The following CDH12 variants were observed in gnomAD, a reference collection of about 807,000 sequenced individuals.
The protein encoded by CDH12 is cadherin 12, also known as cadherin-12.
CDH12 carries 41 observed loss-of-function variants against 74.1 expected under a neutral mutation model. That is an observed-to-expected ratio of 0.55 (90% CI 0.43 to 0.72). The LOEUF is 0.72. CDH12 is among the 30% of genes least tolerant of loss of function. The pLI is 0.00. For missense variants in CDH12, 945 were observed against 977.2 expected (o/e 0.97, Z 0.44); for synonymous variants, 399 against 355.0 (o/e 1.12, Z -1.39).
intron 1 of CDH12, among the ~76,000 whole-genome samples, chr5:22,601,365 T>C (rs1415714392): frequency 1.3e-5 from 2 of 150,446 alleles, no homozygotes; most frequent in African/African-American, 2.4e-5. Context: ...TTAGAATGCA[T>C]GGACACATAG....
intron 1 of CDH12, among the ~76,000 whole-genome samples, chr5:22,587,375 C>A (rs1411369281): frequency 6.6e-6 from 1 of 152,124 alleles, no homozygotes; most frequent in East Asian, 1.9e-4. Flanking sequence ...ATTACCTAGT[C>A]TCTGGAGTTC....
chr5:22,641,038 T>C (rs1739121064), intron 1 of CDH12, among the ~76,000 whole-genome samples: 1 of 152,164 alleles, frequency 6.6e-6, no homozygotes, highest in Non-Finnish European at 1.5e-5. Context: ...TAGGGTTCTC[T>C]AGAGAGATTG....
At chr5:22,165,594 A>T (rs957708504) in intron 4 of CDH12, among the ~76,000 whole-genome samples, 1 of 152,162 alleles carries the variant, frequency 6.6e-6, no homozygotes, top group African/African-American at 2.4e-5. Flanking sequence ...TCCTTATGTC[A>T]GAGGCCTTTG....
chr5:22,685,247 T>C (rs1271518751), intron 1 of CDH12, among the ~76,000 whole-genome samples: 1 of 148,994 alleles, frequency 6.7e-6, no homozygotes, highest in Non-Finnish European at 1.5e-5. Context: ...TCATACTTTA[T>C]TTTTTTTTGA....
At chr5:22,145,701 A>C (rs1747116880) in intron 4 of CDH12, among the ~76,000 whole-genome samples, 1 of 152,144 alleles carries the variant, frequency 6.6e-6, no homozygotes, top group Non-Finnish European at 1.5e-5. Context: ...TTCATCTCCA[A>C]AATGGTATAA....
intron 3 of CDH12, among the ~76,000 whole-genome samples, chr5:22,325,305 A>C (rs1739039341): frequency 6.6e-6 from 1 of 152,190 alleles, no homozygotes; most frequent in African/African-American, 2.4e-5. Context: ...TAAACCTCAG[A>C]GCAAAAAGCC....
At chr5:22,460,624 A>T (rs1480942909) in intron 2 of CDH12, among the ~76,000 whole-genome samples, 1 of 151,376 alleles carries the variant, frequency 6.6e-6, no homozygotes, top group Non-Finnish European at 1.5e-5. Flanking sequence ...TAATATCAAG[A>T]GTCTGGGAAA....
chr5:22,403,907 T>C (rs937983355), intron 3 of CDH12, among the ~76,000 whole-genome samples: 1 of 152,122 alleles, frequency 6.6e-6, no homozygotes, highest in African/African-American at 2.4e-5. Context: ...CACAATTAAA[T>C]TATACAATTA....
At chr5:22,498,764 GAC>G (rs1413395628) in intron 2 of CDH12, among the ~76,000 whole-genome samples, 8 of 151,442 alleles carry the variant, frequency 5.3e-5, no homozygotes, top group Non-Finnish European at 1.0e-4. Flanking sequence ...ATGATGGTGA[GAC>G]ACATGCATGC....
chr5:22,224,344 C>A (rs1209502909), intron 3 of CDH12, among the ~76,000 whole-genome samples: 1 of 151,988 alleles, frequency 6.6e-6, no homozygotes. Context: ...TTGAGGCTAA[C>A]ATAAATTATG....
chr5:22,529,553 G>T (rs1737491364), intron 1 of CDH12, among the ~76,000 whole-genome samples: 1 of 152,084 alleles, frequency 6.6e-6, no homozygotes, highest in South Asian at 2.1e-4. Context: ...TCAGCTGATT[G>T]GATGAGGCCC....
chr5:22,733,593 T>C (rs1744542070), intron 1 of CDH12, among the ~76,000 whole-genome samples: 1 of 151,958 alleles, frequency 6.6e-6, no homozygotes, highest in Non-Finnish European at 1.5e-5. Context: ...AAATTTTAAA[T>C]TGATGTGCAT....
chr5:22,803,481 T>G (rs577431598), intron 1 of CDH12, among the ~76,000 whole-genome samples: 3 of 152,232 alleles, frequency 2.0e-5, no homozygotes, highest in Non-Finnish European at 2.9e-5. Flanking sequence ...TACTCTTAAT[T>G]CCTACAATAC....
chr5:22,336,473 G>A (rs1739585104), intron 3 of CDH12, among the ~76,000 whole-genome samples: 1 of 152,170 alleles, frequency 6.6e-6, no homozygotes, highest in Admixed American at 6.5e-5. Context: ...AAGAAAAAAA[G>A]GTTTCATGGG....
intron 1 of CDH12, among the ~76,000 whole-genome samples, chr5:22,837,810 A>T (rs1242645686): frequency 6.6e-6 from 1 of 152,188 alleles, no homozygotes; most frequent in East Asian, 1.9e-4. Flanking sequence ...TGATCATGGT[A>T]GATAGAAGCC....
chr5:22,682,836 A>G (rs1561574674), intron 1 of CDH12, among the ~76,000 whole-genome samples: 2 of 152,206 alleles, frequency 1.3e-5, no homozygotes, highest in East Asian at 3.9e-4. Context: ...AACTATTACT[A>G]ACTTGTCATT....
At chr5:22,839,737 C>T (rs1236341325) in intron 1 of CDH12, among the ~76,000 whole-genome samples, 2 of 152,262 alleles carry the variant, frequency 1.3e-5, no homozygotes, top group South Asian at 2.1e-4. Flanking sequence ...CCCAGAAACA[C>T]ATAAGTAGAC....
At chr5:22,554,730 T>C (rs1176346625) in intron 1 of CDH12, among the ~76,000 whole-genome samples, 1 of 152,086 alleles carries the variant, frequency 6.6e-6, no homozygotes, top group East Asian at 1.9e-4. Context: ...AGTGACTTAC[T>C]ATCACTACTG....
intron 3 of CDH12, among the ~76,000 whole-genome samples, chr5:22,255,410 G>T (rs1444835148): frequency 6.6e-6 from 1 of 151,568 alleles, no homozygotes; most frequent in Non-Finnish European, 1.5e-5. Context: ...TTTAAAATAT[G>T]TATGCTAAAA....
Sources: allele counts gnomAD v4.1 joint callset (sites outside exome capture counted in the v4.1 genomes callset), GRCh38; gene constraint gnomAD v4.1.1; transcripts MANE v1.5; gene names NCBI Gene and HGNC (gene_info 2026-07-23, HGNC 2026-07-21).